Variants in ADAMTSL1 observed in about 807,000 individuals in gnomAD.
The protein encoded by ADAMTSL1 is ADAMTS-like protein 1.
Under a neutral mutation model 201.8 loss-of-function variants are expected in ADAMTSL1, and 126 were observed. The observed-to-expected ratio is 0.62, with a 90% confidence interval of 0.54 to 0.72. The LOEUF (loss-of-function observed/expected upper bound fraction) is 0.72, where lower values mean the gene tolerates loss of function less well. Ranked by LOEUF, ADAMTSL1 falls within the 30% of genes least tolerant of loss-of-function variation. The pLI, the probability that ADAMTSL1 is intolerant of heterozygous loss-of-function variation, is 0.00. For missense variants in ADAMTSL1, 2,679 were observed against 2,277.8 expected (o/e 1.18, Z -3.59); for synonymous variants, 1,121 against 903.4 (o/e 1.24, Z -4.32).
intron 23 of ADAMTSL1, among the ~76,000 whole-genome samples, chr9:18,838,515 A>AAAAT (rs145645151): frequency 0.039 from 5,923 of 151,874 alleles, 154 homozygotes; most frequent in South Asian, 0.093. Context: ...CTCCAGTTTA[A>AAAAT]AAATAAATAA....
intron 1 of ADAMTSL1, among the ~76,000 whole-genome samples, chr9:18,101,890 C>A (rs1824540796): frequency 6.6e-6 from 1 of 152,128 alleles, no homozygotes; most frequent in Admixed American, 6.5e-5. Context: ...ATCAGTGTTT[C>A]TTCTTGGTGA....
At chr9:18,600,341 T>G (rs996328505) in intron 4 of ADAMTSL1, among the ~76,000 whole-genome samples, 1 of 152,208 alleles carries the variant, frequency 6.6e-6, no homozygotes, top group Non-Finnish European at 1.5e-5. Flanking sequence ...GAACCCCATC[T>G]ACTGCCCAAA....
intron 2 of ADAMTSL1, among the ~76,000 whole-genome samples, chr9:18,246,294 G>A (rs1831257386): frequency 6.6e-6 from 1 of 152,054 alleles, no homozygotes; most frequent in Admixed American, 6.6e-5. Context: ...TTCATTCTCT[G>A]TGAACCACAA....
intron 1 of ADAMTSL1, among the ~76,000 whole-genome samples, chr9:17,983,822 C>A (rs1220427282): frequency 2.0e-5 from 3 of 151,824 alleles, no homozygotes; most frequent in Non-Finnish European, 2.9e-5. Context: ...AAAAAAAAAT[C>A]CAGCACATAA....
intron 1 of ADAMTSL1, among the ~76,000 whole-genome samples, chr9:18,130,057 A>C (rs1825884839): frequency 6.6e-6 from 1 of 152,158 alleles, no homozygotes; most frequent in Non-Finnish European, 1.5e-5. Context: ...TCCCCACTGC[A>C]TGGGGCCCTG....
intron 2 of ADAMTSL1, among the ~76,000 whole-genome samples, chr9:18,178,842 A>G (rs1828308660): frequency 6.6e-6 from 1 of 152,108 alleles, no homozygotes; most frequent in African/African-American, 2.4e-5. Context: ...AAAACTAACA[A>G]ACAGAAAGGA....
intron 4 of ADAMTSL1, among the ~76,000 whole-genome samples, chr9:18,589,238 G>A (rs144494663): frequency 7.9e-5 from 12 of 151,944 alleles, no homozygotes; most frequent in Non-Finnish European, 1.5e-5. Flanking sequence ...TTTTTTGGTG[G>A]CCTCTTCAAT....
Position 18,234,707 on chromosome 9 carries a change from G to A in ADAMTSL1, c.207+70726G>A, listed in dbSNP as rs12379633. On this transcript the variant is annotated intron_variant, in intron 2 of 29. Transcript: ENST00000680146. ...AAATTCAACCAAACACCTCTTAGGA[G>A]TGTTTTTAAAATGTAACAAAATATT... Among the ~76,000 whole-genome samples, 359 of 152,248 alleles carry A rather than the reference G, an allele frequency of 2.4e-3. 3 individuals carry two copies. The highest frequency in any genetic ancestry group is 2.5e-3 in the Non-Finnish European group (171 of 68,024).
intron 6 of ADAMTSL1, 94 bp from the exon 7 acceptor site, chr9:18,639,160 C>G: frequency 2.4e-6 from 3 of 1,251,382 alleles, no homozygotes; most frequent in Admixed American, 2.0e-5. Context: ...ATGTGTCTCC[C>G]TTACCTAGCT....
intron 6 of ADAMTSL1, among the ~76,000 whole-genome samples, chr9:18,638,756 C>A (rs967526784): frequency 6.6e-6 from 1 of 152,066 alleles, no homozygotes; most frequent in Non-Finnish European, 1.5e-5. Flanking sequence ...TGAGCAATAG[C>A]ATCAGTGCAG....
chr9:18,655,819 A>AAAAAAAAAAAAAATAAAAAT (rs1828614623), intron 7 of ADAMTSL1, among the ~76,000 whole-genome samples: 1 of 101,044 alleles, frequency 9.9e-6, no homozygotes, highest in Admixed American at 1.1e-4. Context: ...AAAAAAAAAA[A>AAAAAAAAAAAAAATAAAAAT]AAAAAAAAAA....
intron 1 of ADAMTSL1, among the ~76,000 whole-genome samples, chr9:17,951,474 G>A (rs1468951927): frequency 6.6e-6 from 1 of 152,108 alleles, no homozygotes; most frequent in African/African-American, 2.4e-5. Context: ...TTCTAACCAT[G>A]CTATTTTTGC....
intron 1 of ADAMTSL1, among the ~76,000 whole-genome samples, chr9:18,116,084 G>T (rs1051629397): frequency 1.3e-5 from 2 of 152,138 alleles, no homozygotes; most frequent in African/African-American, 2.4e-5. Context: ...CGTGGGTAAT[G>T]TGACATTGAT....
intron 1 of ADAMTSL1, among the ~76,000 whole-genome samples, chr9:17,955,132 A>G (rs1417281385): frequency 6.6e-6 from 1 of 152,174 alleles, no homozygotes; most frequent in African/African-American, 2.4e-5. Flanking sequence ...CTATTGAAAG[A>G]CCTAATATGT....
At chr9:18,424,388 T>C (rs1039448202) in intron 2 of ADAMTSL1, among the ~76,000 whole-genome samples, 15 of 152,208 alleles carry the variant, frequency 9.9e-5, no homozygotes, top group African/African-American at 3.4e-4. Flanking sequence ...GTGAATCTTA[T>C]ACAGTCCCCA....
At chr9:18,845,376 A>G (rs1343806540) in intron 23 of ADAMTSL1, among the ~76,000 whole-genome samples, 1 of 152,264 alleles carries the variant, frequency 6.6e-6, no homozygotes, top group Non-Finnish European at 1.5e-5. Context: ...TACAGAGTGA[A>G]GACTTTCCAT....
At chr9:18,154,197 A>G (rs1282494003) in intron 1 of ADAMTSL1, among the ~76,000 whole-genome samples, 1 of 152,026 alleles carries the variant, frequency 6.6e-6, no homozygotes, top group East Asian at 1.9e-4. Context: ...ACTTCAACAT[A>G]TGCTACCATG....
chr9:18,580,448 C>G (rs1823026232), intron 4 of ADAMTSL1, among the ~76,000 whole-genome samples: 1 of 152,162 alleles, frequency 6.6e-6, no homozygotes, highest in African/African-American at 2.4e-5. Context: ...AGGCGTTGGA[C>G]ATTTTTTCTT....
chr9:18,260,452 G>A (rs1033640007), intron 2 of ADAMTSL1, among the ~76,000 whole-genome samples: 14 of 152,232 alleles, frequency 9.2e-5, no homozygotes, highest in African/African-American at 2.9e-4. Context: ...ACCCAGCAGG[G>A]AGAAGGCTCT....
Sources: gnomAD v4.1 joint callset for allele counts (sites outside exome capture counted in the v4.1 genomes callset) on GRCh38, gnomAD v4.1.1 for gene constraint, MANE v1.5 for transcripts, NCBI Gene and HGNC (gene_info 2026-07-23, HGNC 2026-07-21) for gene names.